The following OXR1 variants were observed in gnomAD, a reference collection of about 807,000 sequenced individuals.
OXR1 encodes oxidation resistance 1, also known as oxidation resistance protein 1.
In OXR1, 41 loss-of-function variants were observed where a neutral mutation model predicts 104.6. That is an observed-to-expected ratio of 0.39 (90% confidence interval 0.31 to 0.51). The LOEUF (loss-of-function observed/expected upper bound fraction) is 0.51. Ranked by LOEUF, OXR1 falls within the 20% of genes least tolerant of loss-of-function variation. OXR1 has a pLI of 0.77. For synonymous variants in OXR1, 348 were observed against 348.4 expected (o/e 1.00, Z 0.01); for missense variants, 955 against 1,031.9 (o/e 0.93, Z 1.02).
At chr8:106,664,160 T>C (rs951772281) in intron 3 of OXR1, among the ~76,000 whole-genome samples, 1 of 152,230 alleles carries the variant, frequency 6.6e-6, no homozygotes, top group African/African-American at 2.4e-5. Flanking sequence ...TGAGGTTGAT[T>C]TGCCTGTTTT....
chr8:106,631,227 C>G (rs1427530803), intron 3 of OXR1, among the ~76,000 whole-genome samples: 2 of 152,064 alleles, frequency 1.3e-5, no homozygotes, highest in African/African-American at 4.8e-5. Flanking sequence ...TCCTTTATTT[C>G]CTTAATTTCC....
intron 2 of OXR1, among the ~76,000 whole-genome samples, chr8:106,427,339 T>A (rs1819173305): frequency 6.6e-6 from 1 of 151,994 alleles, no homozygotes; most frequent in Non-Finnish European, 1.5e-5. Context: ...GCAAATTTTT[T>A]TGTATTTTTA....
intron 1 of OXR1, among the ~76,000 whole-genome samples, chr8:106,292,447 C>T (rs1004349124): frequency 7.9e-5 from 12 of 152,068 alleles, no homozygotes; most frequent in South Asian, 4.2e-4. Flanking sequence ...AGCCAGAGTG[C>T]GTGATGAGTG....
At chr8:106,338,359 T>A (rs1815048431) in intron 1 of OXR1, among the ~76,000 whole-genome samples, 1 of 152,014 alleles carries the variant, frequency 6.6e-6, no homozygotes, top group Non-Finnish European at 1.5e-5. Flanking sequence ...GCGGATCACC[T>A]GAGGTCAGAG....
At chr8:106,464,072 AT>A (rs148809743) in intron 2 of OXR1, among the ~76,000 whole-genome samples, 8,592 of 152,010 alleles carry the variant, frequency 0.057, 861 homozygotes, top group African/African-American at 0.2. Flanking sequence ...TTATTTATTA[AT>A]TTTATTTTAG....
At chr8:106,474,041 A>G (rs1357856057) in intron 2 of OXR1, among the ~76,000 whole-genome samples, 1 of 147,446 alleles carries the variant, frequency 6.8e-6, no homozygotes. Context: ...ACACACACAC[A>G]CACACACACA....
rs140115819 is a variant in OXR1, at chr8:106,692,763, A to G, written c.561A>G (p.Ser187=). ...TCCATCCAACAGAAGCAACTCCCTC[A>G]TCTACTTTCACTGGTATTCGACCTG... is the stretch of plus-strand genomic sequence containing the variant. ...PDVHPTEATP[S]STFTGIRPAR... Residue 187 remains serine (S), a synonymous_variant, in exon 7 of 17, where the codon TCA becomes TCG. Coordinates refer to ENST00000517566, the MANE Select transcript of OXR1 (RefSeq NM_001198533.2). 2.5e-4 allele frequency: 398 copies of G among 1,576,250 alleles called. 2 individuals carry two copies. In the African/African-American group the frequency reaches 4.5e-3, roughly 18 times the overall value.
intron 2 of OXR1, among the ~76,000 whole-genome samples, chr8:106,483,487 A>C (rs1822263831): frequency 6.6e-6 from 1 of 152,002 alleles, no homozygotes; most frequent in Non-Finnish European, 1.5e-5. Flanking sequence ...GCTTGAGCCT[A>C]GAAGTTTGAG....
chr8:106,605,028 T>G (rs1165376718), intron 3 of OXR1: 1 of 152,172 alleles, frequency 6.6e-6, no homozygotes, highest in African/African-American at 2.4e-5. Flanking sequence ...AGATGCTACA[T>G]AATGCTCTCT....
chr8:106,502,958 GGGAA>G (rs888108228), intron 2 of OXR1, among the ~76,000 whole-genome samples: 2 of 152,018 alleles, frequency 1.3e-5, no homozygotes, highest in African/African-American at 4.8e-5. Flanking sequence ...ATTGAAATTG[GGGAA>G]GGATTACCCT....
intron 3 of OXR1, among the ~76,000 whole-genome samples, chr8:106,629,064 A>C (rs1266204053): frequency 2.0e-5 from 3 of 152,108 alleles, no homozygotes; most frequent in African/African-American, 7.2e-5. Flanking sequence ...GAAAAGACAA[A>C]ATCACCCTCT....
At chr8:106,435,446 G>A (rs1819532147) in intron 2 of OXR1, among the ~76,000 whole-genome samples, 1 of 152,114 alleles carries the variant, frequency 6.6e-6, no homozygotes, top group South Asian at 2.1e-4. Context: ...CAATTGTGAG[G>A]ATCTGCGATG....
At chr8:106,446,234 A>G (rs930136224) in intron 2 of OXR1, among the ~76,000 whole-genome samples, 3 of 152,174 alleles carry the variant, frequency 2.0e-5, no homozygotes, top group Non-Finnish European at 4.4e-5. Context: ...ACTCACTTCT[A>G]CTTTTCTTTA....
chr8:106,493,879 C>T (rs906891647), intron 2 of OXR1, among the ~76,000 whole-genome samples: 17 of 152,080 alleles, frequency 1.1e-4, no homozygotes, highest in Admixed American at 7.9e-4. Flanking sequence ...AGGACACACT[C>T]TTAGAAGGCT....
At chr8:106,607,870 G>C (rs1820522000) in intron 3 of OXR1, among the ~76,000 whole-genome samples, 1 of 150,584 alleles carries the variant, frequency 6.6e-6, no homozygotes, top group African/African-American at 2.4e-5. Flanking sequence ...ATGTAATTCA[G>C]CCAAACCTAC....
At chr8:106,675,560 A>C (rs1172466829) in intron 3 of OXR1, among the ~76,000 whole-genome samples, 1 of 152,146 alleles carries the variant, frequency 6.6e-6, no homozygotes, top group Non-Finnish European at 1.5e-5. Context: ...TATTTACCCA[A>C]AAGTCATTCA....
intron 2 of OXR1, among the ~76,000 whole-genome samples, chr8:106,481,683 C>G (rs1822124213): frequency 6.6e-6 from 1 of 152,014 alleles, no homozygotes; most frequent in Admixed American, 6.6e-5. Context: ...TGGACCAACT[C>G]AATTTTGCCA....
intron 2 of OXR1, among the ~76,000 whole-genome samples, chr8:106,418,678 A>C (rs1818781396): frequency 1.3e-5 from 2 of 152,170 alleles, no homozygotes; most frequent in African/African-American, 4.8e-5. Flanking sequence ...TCATGTTCAC[A>C]AGACAACTGA....
At chr8:106,727,549 C>T (rs7835664) in intron 11 of OXR1, among the ~76,000 whole-genome samples, 1 of 152,078 alleles carries the variant, frequency 6.6e-6, no homozygotes, top group Non-Finnish European at 1.5e-5. Context: ...CGGCAAGTAG[C>T]TGGGACTGCA....
Sources: gnomAD v4.1 joint callset for allele counts (sites outside exome capture counted in the v4.1 genomes callset) on GRCh38, gnomAD v4.1.1 for gene constraint, MANE v1.5 for transcripts, NCBI Gene and HGNC (gene_info 2026-07-23, HGNC 2026-07-21) for gene names.